Variants in PKP2 observed in about 807,000 individuals in gnomAD.
The protein encoded by PKP2 is plakophilin-2.
A neutral mutation model predicts 83.4 loss-of-function variants in PKP2; 73 were observed. That is an observed-to-expected ratio of 0.88 (90% confidence interval 0.72 to 1.06). PKP2 has a LOEUF of 1.06. Among genes scored for constraint, PKP2 ranks in the 50% least tolerant of loss-of-function variants. The probability of loss-of-function intolerance (pLI) is 0.00; values close to 1 mark genes in which losing one functional copy is unlikely to be tolerated. For synonymous variants in PKP2, 409 were observed against 430.4 expected, an observed-to-expected ratio of 0.95 and a Z score of 0.62; for missense variants, 966 against 1,065.4, an observed-to-expected ratio of 0.91 and a Z score of 1.30.
At chr12:32,821,573 G>A (rs749321662) in intron 8 of PKP2, 44 bp from the exon 9 acceptor site, 3 of 1,586,836 alleles carry the variant, frequency 1.9e-6, no homozygotes, top group Middle Eastern at 1.7e-4. Context: ...CATGTCAGGT[G>A]ATGGCTATAA....
At position 32,792,391 on chromosome 12, in the gene PKP2, A is replaced by G; in HGVS notation, c.*33T>C. The G allele has an allele frequency of 6.5e-7, 1 of 1,545,476 alleles. No homozygotes were observed. Among genetic ancestry groups the G allele is most frequent in the Non-Finnish European group, 8.9e-7 (1 of 1,117,354 alleles). On this transcript the variant is annotated 3_prime_UTR_variant, in exon 13 of 13. Transcript: ENST00000340811. ...GAAAAATAGGTGTTTTCCTTTGGGG[A>G]TTTTTGCAGCCGAGAATACTTTGTC...
At chr12:32,813,241 A>G (rs758753297) in intron 9 of PKP2, among the ~76,000 whole-genome samples, 1 of 152,228 alleles carries the variant, frequency 6.6e-6, no homozygotes, top group South Asian at 2.1e-4. Flanking sequence ...ACTAAGCCAT[A>G]AGGACCTCTT....
intron 8 of PKP2, chr12:32,821,939 G>A (rs757879264): frequency 2.1e-5 from 5 of 240,726 alleles, no homozygotes; most frequent in Non-Finnish European, 4.1e-5. Flanking sequence ...TTTACCAGCT[G>A]GTTTCCACAA....
intron 9 of PKP2, among the ~76,000 whole-genome samples, chr12:32,819,952 A>G (rs1358472764): frequency 3.4e-5 from 5 of 148,982 alleles, no homozygotes; most frequent in African/African-American, 1.2e-4. Context: ...TCTATAGTTT[A>G]GCAAAGTAAG....
At chr12:32,818,485 C>A (rs1316713538) in intron 9 of PKP2, among the ~76,000 whole-genome samples, 6 of 152,046 alleles carry the variant, frequency 3.9e-5, no homozygotes, top group Non-Finnish European at 8.8e-5. Context: ...CCCAAAAAAA[C>A]CCGAAACTTT....
intron 4 of PKP2, among the ~76,000 whole-genome samples, chr12:32,862,632 C>T (rs934559038): frequency 2.0e-5 from 3 of 150,132 alleles, no homozygotes; most frequent in Non-Finnish European, 3.0e-5. Context: ...GCAACAAGAG[C>T]GAAACTCCGT....
At chr12:32,821,236 T>C (rs1269449499) in intron 9 of PKP2, 120 bp downstream of exon 9, 7 of 935,086 alleles carry the variant, frequency 7.5e-6, no homozygotes, top group Non-Finnish European at 1.2e-5. Context: ...TTTCTGAGAA[T>C]TGTCTTTACT....
intron 10 of PKP2, among the ~76,000 whole-genome samples, chr12:32,800,783 G>T (rs1956171484): frequency 6.6e-6 from 1 of 152,178 alleles, no homozygotes; most frequent in Non-Finnish European, 1.5e-5. Context: ...TGGCAAAATA[G>T]CACTGTGAGA....
chr12:32,883,665 T>C (rs983417417), intron 1 of PKP2, among the ~76,000 whole-genome samples: 1 of 152,184 alleles, frequency 6.6e-6, no homozygotes, highest in African/African-American at 2.4e-5. Flanking sequence ...GAAAAAGAAG[T>C]AGGCATCTTC....
chr12:32,895,795 G>T (rs1388019091), intron 1 of PKP2, among the ~76,000 whole-genome samples: 1 of 152,192 alleles, frequency 6.6e-6, no homozygotes, highest in Non-Finnish European at 1.5e-5. Context: ...TTTTTTGGAG[G>T]GATCAGACTT....
At chr12:32,817,323 G>C (rs964482070) in intron 9 of PKP2, among the ~76,000 whole-genome samples, 2 of 152,200 alleles carry the variant, frequency 1.3e-5, no homozygotes, top group Non-Finnish European at 2.9e-5. Context: ...CAAAATGTAA[G>C]ACTCCTAGAA....
intron 3 of PKP2, among the ~76,000 whole-genome samples, chr12:32,870,438 GA>G (rs1172171324): frequency 1.3e-5 from 2 of 151,920 alleles, no homozygotes; most frequent in Non-Finnish European, 1.5e-5. Flanking sequence ...AAGTGAAGCA[GA>G]AAATCTCTGG....
At chr12:32,833,136 G>A (rs1325406460) in intron 6 of PKP2, among the ~76,000 whole-genome samples, 3 of 152,258 alleles carry the variant, frequency 2.0e-5, no homozygotes, top group African/African-American at 4.8e-5. Context: ...CCAGCTACTC[G>A]GGAGGCTGAG....
chr12:32,821,606 C>T, intron 8 of PKP2, 77 bp from the exon 9 acceptor site: 1 of 1,396,252 alleles, frequency 7.2e-7, no homozygotes, highest in Non-Finnish European at 1.0e-6. Context: ...ACCAGGAGAC[C>T]AGAAATACTG....
At chr12:32,844,917 T>C (rs1203490386) in intron 5 of PKP2, among the ~76,000 whole-genome samples, 2 of 152,182 alleles carry the variant, frequency 1.3e-5, no homozygotes, top group Non-Finnish European at 2.9e-5. Context: ...TGAATAGATG[T>C]CCCTTCAATG....
intron 4 of PKP2, among the ~76,000 whole-genome samples, chr12:32,855,357 T>C (rs1416149853): frequency 6.6e-6 from 1 of 152,166 alleles, no homozygotes; most frequent in Admixed American, 6.5e-5. Context: ...CTGTGTAAGA[T>C]GAGCAGTTAC....
At position 32,791,499 on chromosome 12, in the gene PKP2, T is replaced by C. The variant is rs1398136435; in HGVS notation, c.*925A>G. On this transcript the variant is annotated 3_prime_UTR_variant, in exon 13 of 13. Transcript: ENST00000340811. ...GTCTGAGAGAAGGCCTTAGTTCCTC[T>C]TGCAGATAAAGATAGAGTCCATTCT... 6.6e-6 allele frequency: 1 copy of C among 152,186 alleles called. No individual in the cohort carries two copies. The highest frequency in any genetic ancestry group is 1.9e-4 in the East Asian group (1 of 5,198). 9.4% of individuals were successfully genotyped at this position (152,186 alleles called of 1,614,324 possible).
intron 9 of PKP2, among the ~76,000 whole-genome samples, chr12:32,819,538 AC>A (rs2137767067): frequency 6.6e-6 from 1 of 151,942 alleles, no homozygotes; most frequent in East Asian, 1.9e-4. Flanking sequence ...TTTTCCTAGT[AC>A]TTTAAATTTC....
intron 9 of PKP2, 58 bp downstream of exon 9, chr12:32,821,298 G>A (rs1389944412): frequency 7.2e-6 from 10 of 1,382,316 alleles, no homozygotes; most frequent in African/African-American, 1.4e-5. Flanking sequence ...TGAATTGAAT[G>A]TAGGTATGTC....
Sources: gnomAD v4.1 joint callset for allele counts (sites outside exome capture counted in the v4.1 genomes callset) on GRCh38, gnomAD v4.1.1 for gene constraint, MANE v1.5 for transcripts, NCBI Gene and HGNC (gene_info 2026-07-23, HGNC 2026-07-21) for gene names.